TRMT9B: variants seen among roughly 807,000 people sequenced by gnomAD.
The protein encoded by TRMT9B is tRNA methyltransferase 9B (putative), also known as probable tRNA methyltransferase 9B.
Under a neutral mutation model 11.5 loss-of-function variants are expected in TRMT9B, and 16 were observed. The ratio of observed to expected loss-of-function variants is 1.39; its 90% CI spans 0.94 to 2.11. The LOEUF is 2.11. Ranked by LOEUF, TRMT9B falls within the 30% of genes most tolerant of loss-of-function variation. The probability of loss-of-function intolerance (pLI) is 0.00; values close to 1 mark genes in which losing one functional copy is unlikely to be tolerated. For synonymous variants in TRMT9B, 274 were observed against 192.4 expected (o/e 1.42, Z -3.51); for missense variants, 941 against 553.8 (o/e 1.70, Z -7.02).
chr8:12,977,677 G>A (rs1804676759), intron 1 of TRMT9B, among the ~76,000 whole-genome samples: 1 of 152,022 alleles, frequency 6.6e-6, no homozygotes, highest in Non-Finnish European at 1.5e-5. Flanking sequence ...TTCCAGCCTT[G>A]TGACAGAGCA....
intron 1 of TRMT9B, chr8:12,962,193 C>G (rs779052838): frequency 6.6e-6 from 1 of 152,426 alleles, no homozygotes; most frequent in South Asian, 2.1e-4. Context: ...GATATTCTTG[C>G]TTTGCTAGGA....
At chr8:13,006,561 A>T in intron 3 of TRMT9B, 1 of 1,423,562 alleles carries the variant, frequency 7.0e-7, no homozygotes, top group Non-Finnish European at 9.2e-7. Context: ...TCTAATAGGA[A>T]TCCTGAAATT....
Position 13,018,585 on chromosome 8 carries a change from A to T in TRMT9B, c.329-2423A>T, listed in dbSNP as rs184951289. Among the ~76,000 whole-genome samples the T allele has an allele frequency of 5.3e-5, 8 of 152,218 alleles. No homozygotes were observed. The East Asian group carries it at 1.4e-3, about 26-fold the overall frequency. ...TTATCTACAGTAGTCATGTTCTATA[A>T]AGTCTCTGTGAACACTGAATTAATA... is the stretch of plus-strand genomic sequence containing the variant. On this transcript the variant is annotated intron_variant, in intron 4 of 4. Transcript: ENST00000524591.
chr8:13,005,532 C>T (rs1391026137), intron 2 of TRMT9B, among the ~76,000 whole-genome samples: 1 of 152,132 alleles, frequency 6.6e-6, no homozygotes, highest in African/African-American at 2.4e-5. Context: ...ATCAAAACAT[C>T]TCATGTACTC....
chr8:12,964,788 C>T (rs1399469626), intron 1 of TRMT9B, among the ~76,000 whole-genome samples: 3 of 152,048 alleles, frequency 2.0e-5, no homozygotes, highest in African/African-American at 7.2e-5. Flanking sequence ...GATGGGGTGT[C>T]ACTACGATGC....
At chr8:12,960,437 C>G (rs1450809471) in intron 1 of TRMT9B, 1 of 152,184 alleles carries the variant, frequency 6.6e-6, no homozygotes, top group African/African-American at 2.4e-5. Context: ...CAGGCCTGCT[C>G]TCCTTGGACT....
At chr8:13,000,247 T>C (rs10503430) in intron 2 of TRMT9B, among the ~76,000 whole-genome samples, 17,189 of 152,182 alleles carry the variant, frequency 0.11, 1,002 homozygotes, top group South Asian at 0.13. Flanking sequence ...TTAGGGTTTA[T>C]CTGAATTCAA....
chr8:12,968,083 C>A (rs1185293532), intron 1 of TRMT9B, among the ~76,000 whole-genome samples: 1 of 152,194 alleles, frequency 6.6e-6, no homozygotes, highest in African/African-American at 2.4e-5. Flanking sequence ...TGGGATTTCA[C>A]CATGTTGTCC....
chr8:12,996,572 A>G (rs1003446147), intron 2 of TRMT9B, among the ~76,000 whole-genome samples: 2 of 152,202 alleles, frequency 1.3e-5, no homozygotes, highest in East Asian at 3.8e-4. Context: ...CCCAGAAGGC[A>G]CTGACTGGAT....
intron 1 of TRMT9B, among the ~76,000 whole-genome samples, chr8:12,953,720 C>A (rs1800941138): frequency 6.6e-6 from 1 of 152,112 alleles, no homozygotes; most frequent in African/African-American, 2.4e-5. Flanking sequence ...AAAGAACTGT[C>A]CAGTGTTGTG....
chr8:12,950,825 C>T (rs1398615496), intron 1 of TRMT9B, among the ~76,000 whole-genome samples: 1 of 152,040 alleles, frequency 6.6e-6, no homozygotes, highest in Non-Finnish European at 1.5e-5. Flanking sequence ...CTATGTGAGA[C>T]CTGTAGTTGG....
intron 2 of TRMT9B, 44 bp downstream of exon 2, chr8:12,991,075 G>T: frequency 9.8e-7 from 1 of 1,025,126 alleles, no homozygotes; most frequent in Non-Finnish European, 1.2e-6. Flanking sequence ...ACCATGAGGT[G>T]TTTTTAGCAA....
intron 4 of TRMT9B, among the ~76,000 whole-genome samples, chr8:13,020,514 A>C (rs930169636): frequency 6.6e-6 from 1 of 152,198 alleles, no homozygotes; most frequent in Non-Finnish European, 1.5e-5. Flanking sequence ...CATTATCTAG[A>C]CAGAGAAACA....
intron 1 of TRMT9B, among the ~76,000 whole-genome samples, chr8:12,949,426 C>T (rs1361099481): frequency 6.6e-6 from 1 of 152,150 alleles, no homozygotes; most frequent in Admixed American, 6.5e-5. Context: ...ACAAAAATAA[C>T]ATAAATGGCT....
chr8:13,008,548 A>G (rs1007790015), intron 3 of TRMT9B, among the ~76,000 whole-genome samples: 1 of 152,206 alleles, frequency 6.6e-6, no homozygotes. Context: ...CAGCAGGTAC[A>G]TTAACTGCAA....
chr8:12,978,679 C>T (rs999852883), intron 1 of TRMT9B, among the ~76,000 whole-genome samples: 3 of 152,170 alleles, frequency 2.0e-5, no homozygotes, highest in African/African-American at 7.2e-5. Flanking sequence ...TGAAACAGGC[C>T]TACTTGCTAC....
intron 2 of TRMT9B, among the ~76,000 whole-genome samples, chr8:13,000,359 T>G (rs1197904322): frequency 6.6e-6 from 1 of 152,188 alleles, no homozygotes; most frequent in South Asian, 2.1e-4. Context: ...GAATTGCCAA[T>G]GTCCTTCTCT....
At chr8:12,962,015 C>G (rs1802186035) in intron 1 of TRMT9B, 1 of 152,320 alleles carries the variant, frequency 6.6e-6, no homozygotes, top group Admixed American at 6.5e-5. Context: ...ACACCTGAAA[C>G]CACAGAGAAT....
At chr8:12,988,991 A>G (rs1396598166) in intron 1 of TRMT9B, among the ~76,000 whole-genome samples, 1 of 152,084 alleles carries the variant, frequency 6.6e-6, no homozygotes, top group Admixed American at 6.6e-5. Context: ...GAGCTCTTTT[A>G]TCTGTATCCC....
Sources: gnomAD v4.1 joint callset for allele counts (sites outside exome capture counted in the v4.1 genomes callset) on GRCh38, gnomAD v4.1.1 for gene constraint, MANE v1.5 for transcripts, NCBI Gene and HGNC (gene_info 2026-07-23, HGNC 2026-07-21) for gene names.